The following SEM1 variants were observed in gnomAD, a reference collection of about 807,000 sequenced individuals.
SEM1 encodes 26S proteasome complex subunit SEM1.
Under a neutral mutation model 12.7 loss-of-function variants are expected in SEM1, and 3 were observed. The observed-to-expected ratio is 0.24, with a 90% CI of 0.11 to 0.61. The LOEUF (loss-of-function observed/expected upper bound fraction) is 0.61. Among genes scored for constraint, SEM1 ranks in the 20% least tolerant of loss-of-function variants. SEM1 has a pLI of 0.88. For synonymous variants in SEM1, 30 were observed against 27.8 expected (o/e 1.08, Z -0.25); for missense variants, 59 against 81.3 (o/e 0.73, Z 1.06).
At chr7:96,520,347 C>T (rs962975118) in intron 2 of SEM1, among the ~76,000 whole-genome samples, 3 of 152,156 alleles carry the variant, frequency 2.0e-5, no homozygotes, top group Admixed American at 6.6e-5. Flanking sequence ...TGGGGAATAA[C>T]ACCTGCTTGA....
chr7:96,579,073 C>T (rs1806299089), intron 2 of SEM1, among the ~76,000 whole-genome samples: 1 of 152,186 alleles, frequency 6.6e-6, no homozygotes, highest in South Asian at 2.1e-4. Context: ...TATTAAAGAC[C>T]AGAGGAAAAC....
At chr7:96,583,234 G>A (rs56703051) in intron 2 of SEM1, among the ~76,000 whole-genome samples, 44,973 of 147,000 alleles carry the variant, frequency 0.31, 6,808 homozygotes, top group Middle Eastern at 0.32. Flanking sequence ...TATGTATCCA[G>A]TAGTCATTCA....
chr7:96,703,925 C>T (rs1408118119), intron 1 of SEM1, among the ~76,000 whole-genome samples: 1 of 151,456 alleles, frequency 6.6e-6, no homozygotes, highest in Non-Finnish European at 1.5e-5. Context: ...CGCCACTGTA[C>T]TCCAGCCTGG....
At chr7:96,495,691 T>C (rs907634379) in intron 1 of SEM1, among the ~76,000 whole-genome samples, 12 of 152,258 alleles carry the variant, frequency 7.9e-5, no homozygotes, top group Middle Eastern at 3.4e-3. Context: ...GATCTTCCTT[T>C]CCCCTCTTCC....
chr7:96,589,588 A>T (rs1806763965), intron 2 of SEM1, among the ~76,000 whole-genome samples: 2 of 152,180 alleles, frequency 1.3e-5, no homozygotes, highest in African/African-American at 4.8e-5. Flanking sequence ...ATCTCCAGTG[A>T]CATAAGGTCA....
intron 2 of SEM1, among the ~76,000 whole-genome samples, chr7:96,597,531 T>C (rs548033382): frequency 6.6e-6 from 1 of 152,226 alleles, no homozygotes; most frequent in African/African-American, 2.4e-5. Flanking sequence ...GATGACAGGG[T>C]TTGCACATAA....
At chr7:96,568,319 T>C (rs899953132) in intron 2 of SEM1, among the ~76,000 whole-genome samples, 7 of 151,826 alleles carry the variant, frequency 4.6e-5, no homozygotes, top group African/African-American at 1.7e-4. Context: ...GTTCTCAACT[T>C]AATTTCTCAT....
At chr7:96,693,339 G>T (rs1046688579) in intron 2 of SEM1, among the ~76,000 whole-genome samples, 4 of 151,900 alleles carry the variant, frequency 2.6e-5, no homozygotes, top group African/African-American at 9.7e-5. Flanking sequence ...AGGGAAAAAA[G>T]TCTCTTCAAC....
At chr7:96,609,519 G>A (rs556778388) in intron 2 of SEM1, among the ~76,000 whole-genome samples, 30 of 152,336 alleles carry the variant, frequency 2.0e-4, no homozygotes, top group Admixed American at 9.1e-4. Context: ...GAGGCCCAGA[G>A]AAGTTAGAGA....
chr7:96,613,655 C>G lies in SEM1; in HGVS notation c.170+81143G>C, dbSNP rs117848053. Among the ~76,000 whole-genome samples, 203 of 152,330 alleles carry G rather than the reference C, an allele frequency of 1.3e-3. 2 individuals are homozygous for G. In the East Asian group the frequency reaches 0.036, roughly 27 times the overall value. ...CACCAGAACAGGAAGACCTGTCCAG[C>G]TGAAACTTTGTACCATTTAGCCAAT... is the stretch of plus-strand genomic sequence containing the variant. On this transcript the variant is annotated intron_variant and NMD_transcript_variant, in intron 2 of 3. Coordinates refer to the SEM1 transcript ENST00000466986.
At chr7:96,690,426 A>T (rs936580770) in intron 2 of SEM1, among the ~76,000 whole-genome samples, 1 of 152,166 alleles carries the variant, frequency 6.6e-6, no homozygotes. Flanking sequence ...TCTATCAGCT[A>T]AATTCTTAGA....
chr7:96,606,073 A>T (rs1447519093), intron 2 of SEM1, among the ~76,000 whole-genome samples: 1 of 152,206 alleles, frequency 6.6e-6, no homozygotes, highest in African/African-American at 2.4e-5. Context: ...CAAAAGTAGC[A>T]ATGTTGGCAT....
intron 3 of SEM1, among the ~76,000 whole-genome samples, chr7:96,503,325 G>T (rs1354394760): frequency 6.6e-6 from 1 of 152,062 alleles, no homozygotes; most frequent in Admixed American, 6.6e-5. Flanking sequence ...CTGTCTTTTT[G>T]AATATAATAG....
chr7:96,665,973 C>G (rs1191766614), intron 2 of SEM1, among the ~76,000 whole-genome samples: 1 of 152,172 alleles, frequency 6.6e-6, no homozygotes, highest in Non-Finnish European at 1.5e-5. Flanking sequence ...GGGTATGAAA[C>G]AGCATTTCCA....
At chr7:96,569,460 G>A (rs2115969050) in intron 2 of SEM1, among the ~76,000 whole-genome samples, 1 of 151,742 alleles carries the variant, frequency 6.6e-6, no homozygotes, top group Admixed American at 6.6e-5. Flanking sequence ...TTAAAAAGAA[G>A]GTATAATCCC....
At position 96,496,278 on chromosome 7, in the gene SEM1, TCCTA is replaced by T. The variant is rs1803252853; in HGVS notation, c.12+2_12+5del. The stretch of plus-strand genomic sequence containing the variant: ...ACATATTGATATAATCCATATCAGT[TCCTA>T]CCTGGCAATACATGTTCTTCCTTCA... On this transcript the variant is annotated splice_donor_variant and splice_donor_5th_base_variant and intron_variant, in intron 1 of 3. Transcript: ENST00000356686. LOFTEE classifies it high-confidence loss of function. 6.6e-7 allele frequency: 1 copy of T among 1,510,850 alleles called. No homozygotes were observed. Among genetic ancestry groups the T allele is most frequent in the Admixed American group, 2.0e-5 (1 of 50,740 alleles). 93.6% of individuals were successfully genotyped at this position (1,510,850 alleles called of 1,614,324 possible). A position where few individuals can be genotyped will look rare whatever the true frequency, so the allele number is the denominator to read the frequency against.
intron 2 of SEM1, among the ~76,000 whole-genome samples, chr7:96,527,922 G>C (rs1359742546): frequency 6.6e-6 from 1 of 151,896 alleles, no homozygotes; most frequent in Non-Finnish European, 1.5e-5. Flanking sequence ...ATCTACAAAG[G>C]GTTTTTGTTT....
intron 1 of SEM1, chr7:96,695,804 C>T (rs1790077279): frequency 6.6e-6 from 1 of 151,874 alleles, no homozygotes; most frequent in Admixed American, 6.6e-5. Context: ...GCTTCCTAAA[C>T]TGTTAAGTAG....
chr7:96,486,180 T>A, intron 2 of SEM1: 2 of 1,472,658 alleles, frequency 1.4e-6, no homozygotes, highest in Non-Finnish European at 9.1e-7. Context: ...TTTTTTTTCC[T>A]CCTGTGGCTG....
Sources: gnomAD v4.1 joint callset for allele counts (sites outside exome capture counted in the v4.1 genomes callset) on GRCh38, gnomAD v4.1.1 for gene constraint, MANE v1.5 for transcripts, NCBI Gene and HGNC (gene_info 2026-07-23, HGNC 2026-07-21) for gene names.